CIMIP7: variants seen among roughly 807,000 people sequenced by gnomAD.
CIMIP7 encodes uncharacterized protein C3orf84.
the CIMIP7 span, among the ~76,000 whole-genome samples, chr3:49,185,136 C>T: frequency 6.6e-6 from 1 of 151,834 alleles, no homozygotes; most frequent in South Asian, 2.1e-4. Flanking sequence ...TGGTGCATGC[C>T]TGTAATCCCA....
At chr3:49,183,808 A>G in the CIMIP7 span, among the ~76,000 whole-genome samples, 1 of 152,268 alleles carries the variant, frequency 6.6e-6, no homozygotes, top group African/African-American at 2.4e-5. Flanking sequence ...GTATGAGCCA[A>G]AAACTGGAAT....
the CIMIP7 span, among the ~76,000 whole-genome samples, chr3:49,181,979 C>G: frequency 1.3e-5 from 2 of 152,148 alleles, no homozygotes; most frequent in Non-Finnish European, 2.9e-5. Flanking sequence ...AGGAGTGAAG[C>G]TGCAGACCTC....
the CIMIP7 span, among the ~76,000 whole-genome samples, chr3:49,179,755 C>T: frequency 3.3e-4 from 51 of 152,368 alleles, 1 homozygote; most frequent in African/African-American, 1.2e-3. Context: ...ACATAAGCTG[C>T]TTGTGGGCAA....
chr3:49,191,492 G>A, the CIMIP7 span, among the ~76,000 whole-genome samples: 3 of 152,308 alleles, frequency 2.0e-5, no homozygotes, highest in South Asian at 4.1e-4. Context: ...AGGAATAAAT[G>A]GGGTGGCTAG....
At chr3:49,181,822 G>A in the CIMIP7 span, among the ~76,000 whole-genome samples, 3 of 152,174 alleles carry the variant, frequency 2.0e-5, no homozygotes, top group Admixed American at 1.3e-4. Flanking sequence ...TGGGTTCTTC[G>A]TCTCACTGAC....
chr3:49,187,317 C>T, the CIMIP7 span, among the ~76,000 whole-genome samples: 1 of 152,178 alleles, frequency 6.6e-6, no homozygotes, highest in African/African-American at 2.4e-5. Context: ...AGAGCTAGGA[C>T]TGGGATTCCA....
the CIMIP7 span, among the ~76,000 whole-genome samples, chr3:49,190,794 G>A: frequency 6.7e-5 from 10 of 149,874 alleles, no homozygotes; most frequent in African/African-American, 9.9e-5. Context: ...TCAGCCTCCC[G>A]AGTATCTGGG....
At chr3:49,182,667 C>A in the CIMIP7 span, among the ~76,000 whole-genome samples, 1 of 152,250 alleles carries the variant, frequency 6.6e-6, no homozygotes, top group Non-Finnish European at 1.5e-5. Context: ...TGTGCCCACA[C>A]TTCTCAGCCC....
chr3:49,183,348 G>T, the CIMIP7 span, among the ~76,000 whole-genome samples: 2 of 152,212 alleles, frequency 1.3e-5, no homozygotes, highest in Non-Finnish European at 2.9e-5. Flanking sequence ...ATATAAAGTG[G>T]TAAAGCCACT....
the CIMIP7 span, among the ~76,000 whole-genome samples, chr3:49,182,196 G>A: frequency 6.6e-6 from 1 of 152,228 alleles, no homozygotes; most frequent in Non-Finnish European, 1.5e-5. Context: ...AGCGTGGAAG[G>A]GGACCAAAGC....
chr3:49,187,275 G>A, the CIMIP7 span, among the ~76,000 whole-genome samples: 6 of 152,282 alleles, frequency 3.9e-5, no homozygotes, highest in Admixed American at 2.0e-4. Flanking sequence ...CTTTTCCAAC[G>A]AGGTGGTAAA....
chr3:49,191,557 AAGTGTT>A, the CIMIP7 span: 2 of 708,526 alleles, frequency 2.8e-6, no homozygotes, highest in Admixed American at 4.0e-5. Context: ...GAAGGGGGCA[AAGTGTT>A]AGGAAGACTA....
At chr3:49,189,783 C>T in the CIMIP7 span, 30 of 641,090 alleles carry the variant, frequency 4.7e-5, no homozygotes, top group Middle Eastern at 4.2e-4. Flanking sequence ...CTACCCACCC[C>T]GGCTAGGCCC....
the CIMIP7 span, among the ~76,000 whole-genome samples, chr3:49,182,300 G>C: frequency 6.6e-6 from 1 of 152,136 alleles, no homozygotes; most frequent in Non-Finnish European, 1.5e-5. Flanking sequence ...AGTCTGTTTT[G>C]ACAGGGCACT....
At chr3:49,186,692 C>G in the CIMIP7 span, among the ~76,000 whole-genome samples, 2 of 152,174 alleles carry the variant, frequency 1.3e-5, no homozygotes, top group African/African-American at 4.8e-5. Context: ...CGTGAGCCAC[C>G]GCACCCAGCC....
the CIMIP7 span, among the ~76,000 whole-genome samples, chr3:49,191,149 G>C: frequency 1.3e-5 from 2 of 152,132 alleles, no homozygotes; most frequent in African/African-American, 4.8e-5. Flanking sequence ...GGGTGTGTCT[G>C]GCCCTCCACA....
chr3:49,182,409 C>G, the CIMIP7 span, among the ~76,000 whole-genome samples: 1 of 152,054 alleles, frequency 6.6e-6, no homozygotes, highest in African/African-American at 2.4e-5. Context: ...TTCTCCAAGT[C>G]CCCCACCAGA....
At chr3:49,186,293 A>G in the CIMIP7 span, among the ~76,000 whole-genome samples, 1 of 151,572 alleles carries the variant, frequency 6.6e-6, no homozygotes, top group African/African-American at 2.4e-5. Flanking sequence ...CCTGGAGTGC[A>G]GTGTTGCGAT....
the CIMIP7 span, among the ~76,000 whole-genome samples, chr3:49,190,489 T>C: frequency 3.3e-5 from 5 of 149,694 alleles, no homozygotes; most frequent in African/African-American, 1.2e-4. Flanking sequence ...TTTGTTGTTC[T>C]CTCCACAATT....
Sources: allele counts gnomAD v4.1 joint callset (sites outside exome capture counted in the v4.1 genomes callset), GRCh38; gene constraint gnomAD v4.1.1; transcripts MANE v1.5; gene names NCBI Gene and HGNC (gene_info 2026-07-23, HGNC 2026-07-21).